ENTREP2: variants seen among roughly 807,000 people sequenced by gnomAD.
ENTREP2 encodes endosomal transmembrane epsin interactor 2, also known as protein ENTREP2.
the ENTREP2 span, among the ~76,000 whole-genome samples, chr15:29,483,578 G>C: frequency 7.2e-5 from 11 of 152,158 alleles, no homozygotes; most frequent in Admixed American, 2.6e-4. Context: ...TTTTGCCCTT[G>C]AATTGTTTTT....
the ENTREP2 span, among the ~76,000 whole-genome samples, chr15:29,643,378 G>A: frequency 4.6e-5 from 7 of 152,264 alleles, no homozygotes; most frequent in East Asian, 1.9e-4. Context: ...ACAAAAAGAT[G>A]TTCAACATCA....
chr15:29,222,496 T>A, the ENTREP2 span, among the ~76,000 whole-genome samples: 8 of 152,132 alleles, frequency 5.3e-5, no homozygotes, highest in African/African-American at 1.9e-4. Flanking sequence ...CCAATAGCCC[T>A]CTCTTGGGGT....
At chr15:29,252,314 G>A in the ENTREP2 span, 408 of 1,126,322 alleles carry the variant, frequency 3.6e-4, 1 homozygote, top group Middle Eastern at 6.0e-3. Context: ...AATTGCTCTT[G>A]TACAAAATCA....
the ENTREP2 span, among the ~76,000 whole-genome samples, chr15:29,300,904 A>G: frequency 0.041 from 6,220 of 152,292 alleles, 410 homozygotes; most frequent in African/African-American, 0.14. Flanking sequence ...AACAGAACAT[A>G]GTCTTAATAT....
the ENTREP2 span, among the ~76,000 whole-genome samples, chr15:29,524,253 A>G: frequency 6.6e-6 from 1 of 152,234 alleles, no homozygotes; most frequent in African/African-American, 2.4e-5. Flanking sequence ...TGAAGGACCA[A>G]TAAGCACATG....
the ENTREP2 span, among the ~76,000 whole-genome samples, chr15:29,145,645 A>AAC: frequency 4.0e-5 from 6 of 149,880 alleles, no homozygotes; most frequent in East Asian, 2.0e-4. Context: ...AAAAAAAAAA[A>AAC]CAACCAACAA....
At chr15:29,412,192 A>G in the ENTREP2 span, among the ~76,000 whole-genome samples, 20 of 152,040 alleles carry the variant, frequency 1.3e-4, no homozygotes, top group African/African-American at 4.8e-4. Flanking sequence ...GAGTTAGCTT[A>G]GACTAGCTCT....
At chr15:29,588,069 C>T in the ENTREP2 span, among the ~76,000 whole-genome samples, 4 of 152,098 alleles carry the variant, frequency 2.6e-5, no homozygotes, top group Non-Finnish European at 1.5e-5. Context: ...CACTGAGCAT[C>T]GACAGCGGCT....
chr15:29,627,687 T>A, the ENTREP2 span, among the ~76,000 whole-genome samples: 1 of 152,202 alleles, frequency 6.6e-6, no homozygotes. Flanking sequence ...TATTCTACTG[T>A]CTGTCTATAC....
the ENTREP2 span, among the ~76,000 whole-genome samples, chr15:29,119,393 G>A: frequency 1.4e-4 from 2 of 14,194 alleles, 1 homozygote; most frequent in Non-Finnish European, 6.4e-4. Flanking sequence ...GGTGGGAATT[G>A]AACAATGAGA....
chr15:29,134,099 C>T, the ENTREP2 span, among the ~76,000 whole-genome samples: 1 of 152,292 alleles, frequency 6.6e-6, no homozygotes, highest in East Asian at 1.9e-4. Context: ...GTGTACTGGG[C>T]TCCCCTTGCA....
chr15:29,146,660 G>A, the ENTREP2 span, among the ~76,000 whole-genome samples: 1 of 152,192 alleles, frequency 6.6e-6, no homozygotes, highest in African/African-American at 2.4e-5. Context: ...TGTGCAGGCC[G>A]GGTGTGGTGG....
the ENTREP2 span, among the ~76,000 whole-genome samples, chr15:29,449,662 A>G: frequency 2.0e-5 from 3 of 152,232 alleles, no homozygotes; most frequent in African/African-American, 7.2e-5. Flanking sequence ...AGAAAATAGA[A>G]GTTTGTTACA....
At chr15:29,653,517 C>T in the ENTREP2 span, among the ~76,000 whole-genome samples, 142 of 152,272 alleles carry the variant, frequency 9.3e-4, no homozygotes, top group Non-Finnish European at 1.3e-3. Flanking sequence ...TTCCCCAATG[C>T]TGTTCTCATC....
chr15:29,333,701 T>C, the ENTREP2 span, among the ~76,000 whole-genome samples: 20 of 152,244 alleles, frequency 1.3e-4, no homozygotes, highest in East Asian at 3.5e-3. Flanking sequence ...TCCTATGTTA[T>C]GGGGTGAATC....
the ENTREP2 span, among the ~76,000 whole-genome samples, chr15:29,165,995 A>G: frequency 2.6e-5 from 4 of 152,214 alleles, no homozygotes; most frequent in Non-Finnish European, 5.9e-5. Context: ...GTTTCATACC[A>G]GGGATGCAGG....
chr15:29,223,071 A>G, the ENTREP2 span, among the ~76,000 whole-genome samples: 1 of 152,316 alleles, frequency 6.6e-6, no homozygotes, highest in South Asian at 2.1e-4. Context: ...CTTCAATGAC[A>G]AGAACAAATC....
chr15:29,249,939 A>G, the ENTREP2 span, among the ~76,000 whole-genome samples: 1 of 152,052 alleles, frequency 6.6e-6, no homozygotes, highest in Non-Finnish European at 1.5e-5. Flanking sequence ...CACACACTTT[A>G]AACAACCAGC....
chr15:29,522,426 A>G, the ENTREP2 span, among the ~76,000 whole-genome samples: 2 of 152,254 alleles, frequency 1.3e-5, no homozygotes, highest in African/African-American at 4.8e-5. Context: ...TTGAAGACCA[A>G]TGAAAATTCT....
Sources: gnomAD v4.1 joint callset for allele counts (sites outside exome capture counted in the v4.1 genomes callset) on GRCh38, gnomAD v4.1.1 for gene constraint, MANE v1.5 for transcripts, NCBI Gene and HGNC (gene_info 2026-07-23, HGNC 2026-07-21) for gene names.